The following LLGL2 variants were observed in gnomAD, a reference collection of about 807,000 sequenced individuals.
The protein encoded by LLGL2 is LLGL2, scribble cell polarity complex component.
LLGL2 carries 81 observed loss-of-function variants against 123.2 expected under a neutral mutation model. The ratio of observed to expected loss-of-function variants is 0.66; its 90% CI spans 0.55 to 0.79. The LOEUF is 0.79. Ranked by LOEUF, LLGL2 falls within the 30% of genes least tolerant of loss-of-function variation. LLGL2 has a pLI of 0.00. For missense variants in LLGL2, 1,273 were observed against 1,414.6 expected, an observed-to-expected ratio of 0.90 and a Z score of 1.61; for synonymous variants, 577 against 594.1, an observed-to-expected ratio of 0.97 and a Z score of 0.42.
Position 75,549,035 on chromosome 17 carries a change from C to T in LLGL2, c.75+5534C>T, listed in dbSNP as rs1245414075. 2.0e-5 allele frequency among the ~76,000 whole-genome samples: 3 copies of T among 152,254 alleles called. No homozygotes were observed. Among genetic ancestry groups the T allele is most frequent in the South Asian group, 4.1e-4 (2 of 4,820 alleles). Reference sequence around the variant, plus strand: ...TTGCACAGCTGGAGCTTATCCGGGGCAGGGGCACTGGCTGGGGTGAGGATG... The same window carrying T: ...TTGCACAGCTGGAGCTTATCCGGGGTAGGGGCACTGGCTGGGGTGAGGATG... On this transcript the variant is annotated intron_variant, in intron 2 of 25. Transcript: ENST00000392550. This position sits in a 1 kb window ranked among gnomAD's most constrained non-coding sequence, Gnocchi z 4.0.
intron 2 of LLGL2, among the ~76,000 whole-genome samples, chr17:75,554,302 CAAAAAAAA>C (rs72439797): frequency 0.5 from 66,985 of 134,102 alleles, 16,870 homozygotes; most frequent in South Asian, 0.65. Flanking sequence ...AACTCCGTCT[CAAAAAAAA>C]AAAAAAAAAA....
At position 75,574,182 on chromosome 17, in the gene LLGL2, G is replaced by A. The variant is rs1043352426; in HGVS notation, c.2906-31G>A. On this transcript the variant is annotated intron_variant, in intron 22 of 25. Coordinates refer to ENST00000392550, the MANE Select transcript of LLGL2 (RefSeq NM_001031803.2). Reference sequence around the variant, plus strand: ...GAGCCAGGCCGAGGAGGGCCCAGGCGGGGCGCCCTGACCCGGCCTCTACCT... The same window carrying A: ...GAGCCAGGCCGAGGAGGGCCCAGGCAGGGCGCCCTGACCCGGCCTCTACCT... 2.0e-5 allele frequency: 31 copies of A among 1,520,648 alleles called. 1 individual carries two copies. The highest frequency in any genetic ancestry group is 7.6e-5 in the South Asian group (6 of 79,448). The allele number at this position is 1,520,648 out of a possible 1,614,324, so 94.2% of individuals were successfully genotyped here.
At position 75,561,072 on chromosome 17, in the gene LLGL2, TCCAC is replaced by T. The variant is rs1424479445; in HGVS notation, c.530+1668_530+1671del. Among the ~76,000 whole-genome samples the T allele has an allele frequency of 3.9e-5, 6 of 152,232 alleles. No individual in the cohort carries two copies. The East Asian group carries it at 1.2e-3, about 29-fold the overall frequency. On this transcript the variant is annotated intron_variant, in intron 6 of 25. Transcript: ENST00000392550. ...GTCTTGAACTCCTGACCTCAGGTGA[TCCAC>T]CCACCTCGGTCTCCCAAAGTGCTGG...
chr17:75,546,807 C>T (rs1398146160), intron 2 of LLGL2, among the ~76,000 whole-genome samples: 2 of 118,546 alleles, frequency 1.7e-5, no homozygotes, highest in Non-Finnish European at 3.5e-5. Context: ...AGCAGACAGG[C>T]GGAGGGCAGG....
At chr17:75,573,705 A>G in intron 21 of LLGL2, 74 bp downstream of exon 21, 2 of 1,147,742 alleles carry the variant, frequency 1.7e-6, no homozygotes, top group South Asian at 2.8e-5. Flanking sequence ...CGAGGCTCCC[A>G]CTGCTGCCTG....
intron 6 of LLGL2, among the ~76,000 whole-genome samples, chr17:75,562,121 G>A (rs1220116970): frequency 7.2e-6 from 1 of 139,432 alleles, no homozygotes; most frequent in Non-Finnish European, 1.6e-5. Context: ...TCCTGTGCCT[G>A]CTGCCTTGTG....
At position 75,544,092 on chromosome 17, in the gene LLGL2, C is replaced by A. The variant is rs1568030146; in HGVS notation, c.75+591C>A. Among the ~76,000 whole-genome samples, 1 of 152,160 alleles carries A rather than the reference C, an allele frequency of 6.6e-6. No individual in the cohort carries two copies. Among genetic ancestry groups the A allele is most frequent in the Admixed American group, 6.6e-5 (1 of 15,262 alleles). On this transcript the variant is annotated intron_variant, in intron 2 of 25. Coordinates refer to ENST00000392550, the MANE Select transcript of LLGL2 (RefSeq NM_001031803.2). This position sits in a 1 kb window ranked among gnomAD's most constrained non-coding sequence, Gnocchi z 4.2. ...CAATCCCAAACCTGTATCCGGGGTA[C>A]CAGAAGGCCCACGGGGCTTCCCTTC...
At chr17:75,548,284 T>C (rs1200937512) in intron 2 of LLGL2, among the ~76,000 whole-genome samples, 3 of 65,662 alleles carry the variant, frequency 4.6e-5, no homozygotes, top group African/African-American at 2.3e-4. Flanking sequence ...TTTTCCTTTT[T>C]TTTTTTTTTT....
chr17:75,525,022 C>A (rs961963447), upstream of LLGL2: 1 of 157,402 alleles, frequency 6.4e-6, no homozygotes, highest in African/African-American at 2.4e-5. The surrounding 1 kb of genome is among the most constrained non-coding windows in gnomAD (Gnocchi z 4.8). Flanking sequence ...GTGCGGGTGG[C>A]GAGAGGCGCC....
intron 13 of LLGL2, 34 bp downstream of exon 13, chr17:75,569,165 G>T (rs757055462): frequency 4.5e-5 from 72 of 1,612,684 alleles, no homozygotes; most frequent in Non-Finnish European, 5.9e-5. Context: ...AGGAAGGGCA[G>T]AGGCCAGCTG....
At chr17:75,555,770 A>G (rs2054882446) in intron 2 of LLGL2, among the ~76,000 whole-genome samples, 1 of 152,120 alleles carries the variant, frequency 6.6e-6, no homozygotes, top group African/African-American at 2.4e-5. Flanking sequence ...TGGTGGAGGC[A>G]CCGAGTCAGT....
chr17:75,574,868 C>T lies in LLGL2; in HGVS notation c.3056-3C>T. ...TCTTGAGCTGTCCCTCTGTGTCCTTCAGCAGAGTGAGTGGCTGAGCGTCCA... is the reference window on the plus strand; with the variant it reads ...TCTTGAGCTGTCCCTCTGTGTCCTTTAGCAGAGTGAGTGGCTGAGCGTCCA... On this transcript the variant is annotated splice_region_variant and splice_polypyrimidine_tract_variant and intron_variant, in intron 25 of 25. Transcript: ENST00000392550. 6.2e-7 allele frequency: 1 copy of T among 1,614,052 alleles called. No homozygotes were observed. The highest frequency in any genetic ancestry group is 8.5e-7 in the Non-Finnish European group (1 of 1,179,964).
rs1235586618 is a variant in LLGL2, at chr17:75,574,923, A to G, written c.*45A>G. 2 of 1,613,772 alleles carry G rather than the reference A, an allele frequency of 1.2e-6. No homozygotes were observed. Among genetic ancestry groups the G allele is most frequent in the Non-Finnish European group, 1.7e-6 (2 of 1,179,904 alleles). ...GCGCGATGAGCACACACTACTACTG[A>G]TGGCCTTTCGGGGGTCCCTGCCCCA... On this transcript the variant is annotated 3_prime_UTR_variant, in exon 26 of 26. Coordinates refer to ENST00000392550, the MANE Select transcript of LLGL2 (RefSeq NM_001031803.2).
chr17:75,571,061 G>A lies in LLGL2; in HGVS notation c.2137G>A (p.Val713Ile), dbSNP rs776633119. Residue 713 changes from valine (V) to isoleucine (I), a missense_variant, in exon 17 of 26, where the codon GTC (valine) becomes ATC (isoleucine). Val to Ile is a conservative substitution (Grantham distance 29, BLOSUM62 3). Transcript: ENST00000392550. ...RSAEDSFTGF[V>I]RTLYFADTYL... is the part of the protein sequence containing the mutation. ...GGCAGAGGACTCCTTCACAGGCTTCGTCCGGACCCTGTACTTTGCTGACAC... is the reference window on the plus strand; with the variant it reads ...GGCAGAGGACTCCTTCACAGGCTTCATCCGGACCCTGTACTTTGCTGACAC... The A allele has an allele frequency of 9.3e-6, 15 of 1,612,732 alleles. No homozygotes were observed. The highest frequency in any genetic ancestry group is 6.7e-5 in the East Asian group (3 of 44,880).
At chr17:75,541,205 G>A (rs944012075) in intron 1 of LLGL2, among the ~76,000 whole-genome samples, 1 of 152,322 alleles carries the variant, frequency 6.6e-6, no homozygotes, top group South Asian at 2.1e-4. Flanking sequence ...CTTTGGCACG[G>A]ATGGCCCTGT....
chr17:75,564,272 T>C lies in LLGL2; in HGVS notation c.882-81T>C. The C allele has an allele frequency of 6.5e-7, 1 of 1,538,288 alleles. No individual in the cohort carries two copies. The highest frequency in any genetic ancestry group is 8.7e-7 in the Non-Finnish European group (1 of 1,146,298). The stretch of plus-strand genomic sequence containing the variant: ...CCTGCTCCTGGGGACCTTGACTGAG[T>C]GGTGACTTTGATTGCCGGCCTGTGG... On this transcript the variant is annotated intron_variant, in intron 9 of 25. Transcript: ENST00000392550. This position sits in a 1 kb window ranked among gnomAD's most constrained non-coding sequence, Gnocchi z 4.9.
At chr17:75,527,578 T>C (rs948256498) in intron 1 of LLGL2, among the ~76,000 whole-genome samples, 4 of 151,724 alleles carry the variant, frequency 2.6e-5, no homozygotes, top group African/African-American at 4.9e-5. Context: ...TTTTTTCTCT[T>C]TTTTTTTCTT....
chr17:75,547,771 G>A (rs903097795), intron 2 of LLGL2, among the ~76,000 whole-genome samples: 2 of 151,820 alleles, frequency 1.3e-5, no homozygotes, highest in Admixed American at 1.3e-4. Flanking sequence ...ATTGCAGTGA[G>A]CCGAGATCAT....
In LLGL2 at chr17:75,574,263, G is replaced by A; in HGVS notation, c.2953+3G>A. 2 of 1,348,096 alleles carry A rather than the reference G, an allele frequency of 1.5e-6. No homozygotes were observed. The highest frequency in any genetic ancestry group is 2.0e-6 in the Non-Finnish European group (2 of 981,080). The allele number at this position is 1,348,096 out of a possible 1,614,324, so 83.5% of individuals were successfully genotyped here. On this transcript the variant is annotated splice_donor_region_variant and intron_variant, in intron 23 of 25. Transcript: ENST00000392550. ...GCGCGCTCTGCTCAGTGATGAGAGT[G>A]AGTTGGGTGGGAGAGGGTGGGGCTG...
Sources: allele counts gnomAD v4.1 joint callset (sites outside exome capture counted in the v4.1 genomes callset), GRCh38; gene constraint gnomAD v4.1.1; non-coding constraint Gnocchi (gnomAD v3.1); transcripts MANE v1.5; gene names NCBI Gene and HGNC (gene_info 2026-07-23, HGNC 2026-07-21).